DPYD: variants seen among roughly 807,000 people sequenced by gnomAD.
DPYD encodes dihydropyrimidine dehydrogenase.
Under a neutral mutation model 116.2 loss-of-function variants are expected in DPYD, and 109 were observed. The observed-to-expected ratio is 0.94, with a 90% CI of 0.80 to 1.10. The LOEUF (loss-of-function observed/expected upper bound fraction) is 1.10. Among genes scored for constraint, DPYD ranks in the 50% least tolerant of loss-of-function variants. The pLI, the probability that DPYD is intolerant of heterozygous loss-of-function variation, is 0.00. For synonymous variants in DPYD, 440 were observed against 432.0 expected, an observed-to-expected ratio of 1.02 and a Z score of -0.23; for missense variants, 1,302 against 1,254.5, an observed-to-expected ratio of 1.04 and a Z score of -0.57.
intron 4 of DPYD, among the ~76,000 whole-genome samples, chr1:97,723,468 T>TAC (rs138397078): frequency 0.012 from 1,803 of 151,080 alleles, 29 homozygotes; most frequent in African/African-American, 0.041. Context: ...CACACATGCA[T>TAC]ACACACACAC....
chr1:97,186,753 C>G (rs7528359), intron 20 of DPYD, among the ~76,000 whole-genome samples: 111,027 of 152,096 alleles, frequency 0.73, 42,099 homozygotes, highest in East Asian at 0.99. Flanking sequence ...GGAGGCTCAG[C>G]CATGAGAATC....
chr1:97,530,109 A>T (rs1447653174), intron 12 of DPYD, among the ~76,000 whole-genome samples: 1 of 151,110 alleles, frequency 6.6e-6, no homozygotes, highest in Non-Finnish European at 1.5e-5. Flanking sequence ...TTCATTTGGC[A>T]TGTCTTCCCG....
At chr1:97,570,128 T>C (rs1218393362) in intron 11 of DPYD, among the ~76,000 whole-genome samples, 1 of 152,018 alleles carries the variant, frequency 6.6e-6, no homozygotes, top group Non-Finnish European at 1.5e-5. Flanking sequence ...ACATTCTCCA[T>C]TGTGAAACAA....
intron 4 of DPYD, among the ~76,000 whole-genome samples, chr1:97,733,873 C>A (rs1191474028): frequency 1.3e-5 from 2 of 151,830 alleles, no homozygotes; most frequent in Non-Finnish European, 2.9e-5. Context: ...CTCATTTTTT[C>A]ATTTACATCT....
At chr1:97,378,947 C>G (rs1046506115) in intron 15 of DPYD, among the ~76,000 whole-genome samples, 6 of 152,132 alleles carry the variant, frequency 3.9e-5, no homozygotes, top group African/African-American at 1.4e-4. Context: ...TTTGGAAAAC[C>G]CTCTTTAAGG....
intron 14 of DPYD, among the ~76,000 whole-genome samples, chr1:97,405,761 C>T (rs1673621201): frequency 6.6e-6 from 1 of 152,188 alleles, no homozygotes; most frequent in South Asian, 2.1e-4. Context: ...AAGTGATCCA[C>T]CCATCTTGGC....
intron 16 of DPYD, among the ~76,000 whole-genome samples, chr1:97,318,519 A>G (rs1427730269): frequency 1.3e-5 from 2 of 152,012 alleles, no homozygotes; most frequent in African/African-American, 4.8e-5. Context: ...TCAATTCAAC[A>G]AGAGGAGCTA....
rs534660234 is a variant in DPYD at position 97,588,705 on chromosome 1, C to T, written c.1128+4513G>A. Among the ~76,000 whole-genome samples the T allele has an allele frequency of 5.3e-5, 8 of 152,254 alleles. No individual in the cohort carries two copies. The South Asian group carries it at 1.7e-3, about 32-fold the overall frequency. Reference sequence around the variant, plus strand: ...AGTGTCGAGTGATTGGCTGGTTTCCCTAAGGACCCATGGCTGAGAAGCGCT... The same window carrying T: ...AGTGTCGAGTGATTGGCTGGTTTCCTTAAGGACCCATGGCTGAGAAGCGCT... On this transcript the variant is annotated intron_variant, in intron 10 of 22. Coordinates refer to ENST00000370192, the MANE Select transcript of DPYD (RefSeq NM_000110.4).
At chr1:97,823,435 C>T (rs1011959250) in intron 3 of DPYD, among the ~76,000 whole-genome samples, 1 of 152,198 alleles carries the variant, frequency 6.6e-6, no homozygotes, top group Non-Finnish European at 1.5e-5. Context: ...CAATATATTA[C>T]TGTTGACTAT....
intron 8 of DPYD, among the ~76,000 whole-genome samples, chr1:97,677,018 C>T (rs1660177865): frequency 6.6e-6 from 1 of 152,082 alleles, no homozygotes; most frequent in Non-Finnish European, 1.5e-5. Context: ...ATGGAGACAA[C>T]TGTATTGTGA....
At chr1:97,095,548 C>T (rs968065252) in intron 21 of DPYD, among the ~76,000 whole-genome samples, 1 of 151,550 alleles carries the variant, frequency 6.6e-6, no homozygotes, top group African/African-American at 2.4e-5. Flanking sequence ...AAAGGTTAAC[C>T]TAAGCAAACA....
intron 19 of DPYD, among the ~76,000 whole-genome samples, chr1:97,206,688 A>AT (rs1659653245): frequency 1.0e-3 from 77 of 75,162 alleles, no homozygotes; most frequent in Non-Finnish European, 1.3e-3. Context: ...ATATATATAT[A>AT]ATCTATATGC....
At chr1:97,833,858 T>G (rs1013595462) in intron 2 of DPYD, among the ~76,000 whole-genome samples, 1 of 152,122 alleles carries the variant, frequency 6.6e-6, no homozygotes, top group African/African-American at 2.4e-5. Flanking sequence ...CTTTATGGAT[T>G]TTTTTAAACT....
At chr1:97,875,387 G>A (rs1380983993) in intron 2 of DPYD, among the ~76,000 whole-genome samples, 1 of 151,832 alleles carries the variant, frequency 6.6e-6, no homozygotes, top group African/African-American at 2.4e-5. Flanking sequence ...ACACATAGAT[G>A]GGCATTAAAA....
chr1:97,134,012 A>T (rs867786105), intron 20 of DPYD, among the ~76,000 whole-genome samples: 3 of 48,832 alleles, frequency 6.1e-5, no homozygotes, highest in African/African-American at 9.0e-5. Flanking sequence ...AAAAAAAAAA[A>T]AAATATATAT....
intron 3 of DPYD, among the ~76,000 whole-genome samples, chr1:97,817,700 A>G (rs573010096): frequency 7.9e-5 from 12 of 152,178 alleles, no homozygotes; most frequent in South Asian, 2.1e-4. Context: ...GTAAACCACT[A>G]ATTTTCCACT....
intron 14 of DPYD, among the ~76,000 whole-genome samples, chr1:97,392,545 T>A (rs1375901618): frequency 2.0e-5 from 3 of 152,048 alleles, no homozygotes; most frequent in African/African-American, 4.8e-5. Context: ...GTGATGCTGT[T>A]TCATAGCATT....
At chr1:97,361,459 C>G (rs1433202060) in intron 16 of DPYD, among the ~76,000 whole-genome samples, 2 of 152,146 alleles carry the variant, frequency 1.3e-5, no homozygotes, top group African/African-American at 2.4e-5. Context: ...TCTTATGAGG[C>G]CAGCATTATC....
At chr1:97,761,963 T>C (rs898064725) in intron 3 of DPYD, among the ~76,000 whole-genome samples, 2 of 152,058 alleles carry the variant, frequency 1.3e-5, no homozygotes, top group Non-Finnish European at 2.9e-5. Context: ...ACTGAGTATA[T>C]ATGAGCACAA....
Sources: allele counts gnomAD v4.1 joint callset (sites outside exome capture counted in the v4.1 genomes callset), GRCh38; gene constraint gnomAD v4.1.1; transcripts MANE v1.5; gene names NCBI Gene and HGNC (gene_info 2026-07-23, HGNC 2026-07-21).